PPP2R2B: variants seen among roughly 807,000 people sequenced by gnomAD.
The protein encoded by PPP2R2B is serine/threonine-protein phosphatase 2A 55 kDa regulatory subunit B beta isoform.
In PPP2R2B, 5 loss-of-function variants were observed where a neutral mutation model predicts 46.0. That is an observed-to-expected ratio of 0.11 (90% CI 0.06 to 0.23). The LOEUF (loss-of-function observed/expected upper bound fraction) is 0.23, where lower values mean the gene tolerates loss of function less well. Among genes scored for constraint, PPP2R2B ranks in the 10% least tolerant of loss-of-function variants. The pLI, the probability that PPP2R2B is intolerant of heterozygous loss-of-function variation, is 1.00. For synonymous variants in PPP2R2B, 215 were observed against 206.7 expected, an observed-to-expected ratio of 1.04 and a Z score of -0.34; for missense variants, 367 against 575.0, an observed-to-expected ratio of 0.64 and a Z score of 3.70.
chr5:146,687,719 G>T (rs1200007111), intron 5 of PPP2R2B, among the ~76,000 whole-genome samples: 1 of 152,154 alleles, frequency 6.6e-6, no homozygotes, highest in Non-Finnish European at 1.5e-5. Context: ...TTTTGGTAAT[G>T]AGATTGATTT....
intron 1 of PPP2R2B, among the ~76,000 whole-genome samples, chr5:147,018,743 C>T (rs753262910): frequency 6.6e-6 from 1 of 152,128 alleles, no homozygotes; most frequent in Non-Finnish European, 1.5e-5. Context: ...CTGAATTAGG[C>T]AGTGCTCCAT....
At chr5:146,968,783 G>A (rs1009993736) in intron 1 of PPP2R2B, among the ~76,000 whole-genome samples, 71 of 152,144 alleles carry the variant, frequency 4.7e-4, no homozygotes, top group African/African-American at 1.6e-3. Flanking sequence ...CCAATTTCAA[G>A]CTACCAATAT....
rs769476589 is a variant in PPP2R2B at position 146,583,981 on chromosome 5, C to T, written c.*5966G>A. On this transcript the variant is annotated 3_prime_UTR_variant, in exon 10 of 10. Transcript: ENST00000394411. ...GTGTCCTCTCCACTCTTTCTCAAAC[C>T]AAATACAGCAGCCAAAATGATTGGA... 5.3e-5 allele frequency: 8 copies of T among 152,158 alleles called. No homozygotes were observed. The highest frequency in any genetic ancestry group is 1.2e-4 in the Non-Finnish European group (8 of 68,052). The allele number at this position is 152,158 out of a possible 1,614,324, so 9.4% of individuals were successfully genotyped here.
intron 2 of PPP2R2B, among the ~76,000 whole-genome samples, chr5:146,804,672 G>A (rs1218069155): frequency 6.6e-6 from 1 of 152,118 alleles, no homozygotes; most frequent in Non-Finnish European, 1.5e-5. Context: ...CTGAAGTGAG[G>A]ATGGAGACTG....
intron 2 of PPP2R2B, among the ~76,000 whole-genome samples, chr5:147,079,624 C>A (rs1757914532): frequency 6.6e-6 from 1 of 151,652 alleles, no homozygotes; most frequent in African/African-American, 2.4e-5. Context: ...TCAGTCATAT[C>A]AGGAACCTAA....
Position 146,590,050 on chromosome 5 carries a change from T to G in PPP2R2B, c.1229A>C (p.Asp410Ala). ...RKDEISVDSLDFSKKILHTAW... is the reference protein window; with the variant it reads ...RKDEISVDSLAFSKKILHTAW... Reference sequence around the variant, plus strand: ...TGTATGCAAGATCTTTTTGCTAAAGTCCAGACTGTCGACACTGATCTCGTC... The same window carrying G: ...TGTATGCAAGATCTTTTTGCTAAAGGCCAGACTGTCGACACTGATCTCGTC... Residue 410 changes from aspartate (D) to alanine (A), a missense_variant, in exon 10 of 10, where the codon GAC becomes GCC. By Grantham distance (126) the Asp-to-Ala change is moderately radical. This residue lies in a region of PPP2R2B where 361 missense variants were observed against 545.5 expected (regional missense o/e 0.66). Coordinates refer to ENST00000394411, the MANE Select transcript of PPP2R2B (RefSeq NM_181675.4). 6.2e-7 allele frequency: 1 copy of G among 1,614,162 alleles called. No homozygotes were observed. Among genetic ancestry groups the G allele is most frequent in the East Asian group, 2.2e-5 (1 of 44,888 alleles).
At chr5:146,591,399 C>T (rs990027167) in intron 9 of PPP2R2B, among the ~76,000 whole-genome samples, 4 of 152,132 alleles carry the variant, frequency 2.6e-5, no homozygotes, top group Non-Finnish European at 5.9e-5. Context: ...TCTGTGTACT[C>T]GAGTGGACTG....
intron 2 of PPP2R2B, among the ~76,000 whole-genome samples, chr5:146,737,716 A>G (rs1752622823): frequency 6.6e-6 from 1 of 151,988 alleles, no homozygotes; most frequent in Admixed American, 6.6e-5. Flanking sequence ...TAAATGGGAA[A>G]CTCCAGTCAG....
chr5:146,772,322 TATG>T (rs1357406982), intron 2 of PPP2R2B, among the ~76,000 whole-genome samples: 1 of 145,628 alleles, frequency 6.9e-6, no homozygotes, highest in Non-Finnish European at 1.5e-5. Context: ...ATATAAAACT[TATG>T]AGCACGTAGA....
chr5:146,940,443 A>T (rs1036204), intron 1 of PPP2R2B, among the ~76,000 whole-genome samples: 8 of 151,710 alleles, frequency 5.3e-5, no homozygotes, highest in Non-Finnish European at 8.8e-5. Flanking sequence ...TAAGAATGCC[A>T]GTCAGGAGTT....
At chr5:146,818,942 C>T (rs1447640570) in intron 2 of PPP2R2B, among the ~76,000 whole-genome samples, 2 of 152,146 alleles carry the variant, frequency 1.3e-5, no homozygotes, top group South Asian at 4.1e-4. Flanking sequence ...TAAAGTACAG[C>T]ATGCTGTAAA....
At chr5:146,707,105 C>G in intron 2 of PPP2R2B, 1 of 1,578,038 alleles carries the variant, frequency 6.3e-7, no homozygotes, top group Non-Finnish European at 8.6e-7. Flanking sequence ...TCCACCAGCC[C>G]CTGCGTGTTG....
upstream of PPP2R2B, among the ~76,000 whole-genome samples, chr5:147,059,398 A>G (rs1757191392): frequency 6.6e-6 from 1 of 152,344 alleles, no homozygotes; most frequent in South Asian, 2.1e-4. Context: ...GTTAGCAGTC[A>G]TTAACTCTGT....
At chr5:146,931,539 A>G (rs957016158) in intron 1 of PPP2R2B, among the ~76,000 whole-genome samples, 2 of 152,198 alleles carry the variant, frequency 1.3e-5, no homozygotes, top group African/African-American at 4.8e-5. Context: ...AGATTTACTC[A>G]GATGTCATCT....
chr5:146,598,142 C>A (rs904786210), intron 8 of PPP2R2B, among the ~76,000 whole-genome samples: 1 of 152,218 alleles, frequency 6.6e-6, no homozygotes, highest in Non-Finnish European at 1.5e-5. Context: ...GAACTCACTC[C>A]AATTGGACAT....
In PPP2R2B at chr5:146,580,833, C is replaced by T. The variant is rs1434023405; in HGVS notation, c.*9114G>A. On this transcript the variant is annotated 3_prime_UTR_variant, in exon 10 of 10. Coordinates refer to ENST00000394411, the MANE Select transcript of PPP2R2B (RefSeq NM_181675.4). ...AGCCTCTCCAGAGTTTCTCTTGGGA[C>T]ACCGTGGGATTCATTTGAGAACAAT... Among the ~76,000 whole-genome samples, 1 of 151,916 alleles carries T rather than the reference C, an allele frequency of 6.6e-6. No homozygotes were observed. Among genetic ancestry groups the T allele is most frequent in the East Asian group, 1.9e-4 (1 of 5,182 alleles).
chr5:146,935,908 G>C (rs1164202370), intron 1 of PPP2R2B, among the ~76,000 whole-genome samples: 1 of 152,128 alleles, frequency 6.6e-6, no homozygotes, highest in Non-Finnish European at 1.5e-5. Flanking sequence ...ACTTAGGCAA[G>C]TTATGCCACT....
At chr5:146,709,346 T>C (rs923245887) in intron 2 of PPP2R2B, among the ~76,000 whole-genome samples, 2 of 152,184 alleles carry the variant, frequency 1.3e-5, no homozygotes, top group African/African-American at 4.8e-5. Flanking sequence ...GCATGTGTTA[T>C]GTCATGGCAG....
At chr5:146,874,330 T>C (rs319217) in intron 2 of PPP2R2B, among the ~76,000 whole-genome samples, 74,121 of 152,136 alleles carry the variant, frequency 0.49, 19,804 homozygotes, top group East Asian at 0.72. Flanking sequence ...AATCAATAAT[T>C]GAAAGGAGCT....
Sources: allele counts gnomAD v4.1 joint callset (sites outside exome capture counted in the v4.1 genomes callset), GRCh38; gene constraint gnomAD v4.1.1; regional missense constraint gnomAD v4.1.1; transcripts MANE v1.5; gene names NCBI Gene and HGNC (gene_info 2026-07-23, HGNC 2026-07-21).